The following RNPEPL1 variants were observed in gnomAD, a reference collection of about 807,000 sequenced individuals.
RNPEPL1 encodes the protein aminopeptidase RNPEPL1.
Under a neutral mutation model 69.0 loss-of-function variants are expected in RNPEPL1, and 46 were observed. That is an observed-to-expected ratio of 0.67 (90% CI 0.53 to 0.85). RNPEPL1 has a LOEUF of 0.85. RNPEPL1 is among the 40% of genes least tolerant of loss of function. The probability of loss-of-function intolerance (pLI) is 0.00; values close to 1 mark genes in which losing one functional copy is unlikely to be tolerated. For synonymous variants in RNPEPL1, 525 were observed against 454.1 expected (o/e 1.16, Z -1.98); for missense variants, 869 against 992.5 (o/e 0.88, Z 1.67).
At chr2:240,572,912 G>A (rs1366196258) in intron 2 of RNPEPL1, among the ~76,000 whole-genome samples, 198 bp from the exon 3 acceptor site, 2 of 152,362 alleles carry the variant, frequency 1.3e-5, no homozygotes, top group East Asian at 3.9e-4. Flanking sequence ...GTGCTGGGAC[G>A]AGGTTTGCAG....
intron 4 of RNPEPL1, 76 bp from the exon 5 acceptor site, chr2:240,574,037 G>A (rs1397314556): frequency 1.4e-6 from 2 of 1,445,028 alleles, no homozygotes; most frequent in Admixed American, 1.9e-5. Flanking sequence ...CCTGCTGGGT[G>A]GAAGGTGGGG....
Position 240,575,124 on chromosome 2 carries a change from C to G in RNPEPL1, c.1383C>G (p.Arg461=). ...CCCAGCTCTGCGGAGACCCACAGCG[C>G]TTTGATGACTTTCTCCGAGTGAGCA... The part of the protein sequence containing the change: ...YLSQLCGDPQ[R]FDDFLRAYVE... Residue 461 remains arginine, a synonymous_variant, in exon 7 of 11, where the codon CGC becomes CGG. Coordinates refer to ENST00000270357, the MANE Select transcript of RNPEPL1 (RefSeq NM_018226.6). 1 of 1,613,366 alleles carries G rather than the reference C, an allele frequency of 6.2e-7. No homozygotes were observed. The highest frequency in any genetic ancestry group is 1.1e-5 in the South Asian group (1 of 91,076).
Position 240,576,875 on chromosome 2 carries a change from A to G in RNPEPL1, c.1769A>G (p.Tyr590Cys), listed in dbSNP as rs1440690515. Residue 590 changes from tyrosine (Y) to cysteine (C), a missense_variant, in exon 10 of 11, where the codon TAC (tyrosine) becomes TGC (cysteine). Physicochemically the swap from Tyr to Cys is radical, Grantham distance 194. Transcript: ENST00000270357. ...QEVVMSLSKC[Y>C]SSLLDSMNAE... ...GTGGTGATGAGCCTGTCCAAGTGCT[A>G]CTCCTCCCTGCTGGACTCGATGAAC... 4 of 1,612,780 alleles carry G rather than the reference A, an allele frequency of 2.5e-6. No homozygotes were observed. Among genetic ancestry groups the G allele is most frequent in the Non-Finnish European group, 3.4e-6 (4 of 1,179,876 alleles).
rs912974044 is a variant in RNPEPL1, at chr2:240,569,026, C to A, written c.440C>A (p.Ser147Tyr). The A allele has an allele frequency of 2.0e-6, 3 of 1,510,884 alleles. No homozygotes were observed. The highest frequency in any genetic ancestry group is 2.6e-6 in the Non-Finnish European group (3 of 1,137,200). 93.6% of individuals were successfully genotyped at this position (1,510,884 alleles called of 1,614,324 possible). A position where few individuals can be genotyped will look rare whatever the true frequency, so the allele number is the denominator to read the frequency against. ...FRVDPFTDYG[S>Y]SLTVTLPPEL... ...GTGGACCCGTTCACCGACTACGGCT[C>A]CTCGCTCACCGTCACGCTGCCGCCC... The change falls in exon 1 of 11, where the codon TCC becomes TAC. Residue 147 changes from serine to tyrosine, a missense_variant. By Grantham distance (144) the Ser-to-Tyr change is moderately radical. Transcript: ENST00000270357.
intron 2 of RNPEPL1, among the ~76,000 whole-genome samples, chr2:240,572,863 G>T (rs1389769694): frequency 6.6e-6 from 1 of 152,256 alleles, no homozygotes; most frequent in African/African-American, 2.4e-5. Context: ...CCCCAGTGGG[G>T]TCTGTGGGTC....
chr2:240,573,757 CCT>C lies in RNPEPL1; in HGVS notation c.822-13_822-12del, dbSNP rs1559416445. The C allele has an allele frequency of 2.6e-6, 4 of 1,515,406 alleles. No individual in the cohort carries two copies. Among genetic ancestry groups the C allele is most frequent in the East Asian group, 4.9e-5 (2 of 40,444 alleles). The allele number at this position is 1,515,406 out of a possible 1,614,324, so 93.9% of individuals were successfully genotyped here. A position where few individuals can be genotyped will look rare whatever the true frequency, so the allele number is the denominator to read the frequency against. ...CTGGGGCTGCTCGGCCTCAGCTCAC[CCT>C]CTCTGCATGCACCAGGAGCCGCGTG... On this transcript the variant is annotated splice_polypyrimidine_tract_variant and intron_variant, in intron 3 of 10. Transcript: ENST00000270357.
intron 4 of RNPEPL1, 21 bp downstream of exon 4, chr2:240,573,912 G>A (rs1453727176): frequency 6.4e-7 from 1 of 1,572,610 alleles, no homozygotes; most frequent in Non-Finnish European, 8.6e-7. Flanking sequence ...GGGACCTGTG[G>A]ACCTGGCTGG....
At chr2:240,572,093 A>C (rs148548498) in intron 1 of RNPEPL1, among the ~76,000 whole-genome samples, 2 of 152,376 alleles carry the variant, frequency 1.3e-5, no homozygotes, top group East Asian at 3.9e-4. Flanking sequence ...AAGCTAAGAT[A>C]ATGCAATGAT....
Position 240,574,273 on chromosome 2 carries a change from G to T in RNPEPL1, c.1099G>T (p.Ala367Ser), listed in dbSNP as rs773622869. ...HSWFGNAVTN[A>S]TWEEMWLSEG... The stretch of plus-strand genomic sequence containing the variant: ...TTGGTTCGGCAACGCTGTCACCAAC[G>T]CCACGTGGGAAGAGATGTGGCTGAG... Residue 367 changes from alanine (A) to serine (S), a missense_variant, in exon 5 of 11, where the codon GCC becomes TCC. This residue lies in a region of RNPEPL1 where 610 missense variants were observed against 790.9 expected (regional missense o/e 0.77). Transcript: ENST00000270357. 3.7e-6 allele frequency: 6 copies of T among 1,611,546 alleles called. No individual in the cohort carries two copies. Among genetic ancestry groups the T allele is most frequent in the East Asian group, 2.2e-5 (1 of 44,856 alleles).
chr2:240,574,453 CCTG>C (rs2093031969), intron 5 of RNPEPL1, 59 bp from the exon 6 acceptor site: 5 of 1,547,476 alleles, frequency 3.2e-6, no homozygotes, highest in Admixed American at 1.9e-5. Flanking sequence ...GCCCACACCT[CCTG>C]CTTCCCCCGA....
chr2:240,568,733 G>A lies in RNPEPL1; in HGVS notation c.147G>A (p.Glu49=). The A allele has an allele frequency of 9.4e-7, 1 of 1,064,266 alleles. No individual in the cohort carries two copies. 65.9% of individuals were successfully genotyped at this position (1,064,266 alleles called of 1,614,324 possible). The change falls in exon 1 of 11, where the codon GAG becomes GAA. Residue 49 remains glutamate, a synonymous_variant. Transcript: ENST00000270357. The surrounding 1 kb of genome is among the most constrained non-coding windows in gnomAD (Gnocchi z 6.2). ...FRLRHLQLGL[E]LRPEARELAG... The stretch of plus-strand genomic sequence containing the variant: ...TCCGCCACCTGCAGCTGGGCCTGGA[G>A]CTGCGGCCCGAGGCGCGCGAGTTGG...
rs1460611586 is a variant in RNPEPL1 at position 240,574,237 on chromosome 2, G to A, written c.1063G>A (p.Val355Met). 1.2e-6 allele frequency: 2 copies of A among 1,613,156 alleles called. No homozygotes were observed. The highest frequency in any genetic ancestry group is 8.5e-7 in the Non-Finnish European group (1 of 1,179,954). ...EFLVIDVIHE[V>M]AHSWFGNAVT... ...CCTGGTCATCGATGTCATCCACGAG[G>A]TGGCCCACAGTTGGTTCGGCAACGC... The change falls in exon 5 of 11, where the codon GTG becomes ATG. Residue 355 changes from valine (V) to methionine (M), a missense_variant. Val to Met is a conservative substitution (Grantham distance 21, BLOSUM62 1). Around this residue, in one of 2 missense-constraint regions of RNPEPL1, gnomAD observed 610 missense variants for 790.9 expected, o/e 0.77. Coordinates refer to ENST00000270357, the MANE Select transcript of RNPEPL1 (RefSeq NM_018226.6).
At chr2:240,570,390 G>A (rs1378728006) in intron 1 of RNPEPL1, among the ~76,000 whole-genome samples, 1 of 152,230 alleles carries the variant, frequency 6.6e-6, no homozygotes, top group East Asian at 1.9e-4. Context: ...GCAGGCTGTG[G>A]ACAGGGGGCC....
At chr2:240,576,827 G>A (rs773823804) in intron 9 of RNPEPL1, 21 bp from the exon 10 acceptor site, 1 of 1,612,892 alleles carries the variant, frequency 6.2e-7, no homozygotes, top group South Asian at 1.1e-5. Flanking sequence ...GCCCAGCCCT[G>A]ACCTGCCCCC....
At chr2:240,573,723 T>A (rs1389472877) in intron 3 of RNPEPL1, 52 bp from the exon 4 acceptor site, 1 of 1,421,108 alleles carries the variant, frequency 7.0e-7, no homozygotes, top group Non-Finnish European at 9.4e-7. Flanking sequence ...CCTGGTGGGG[T>A]GAGCGGGGCT....
At chr2:240,572,710 T>G in intron 2 of RNPEPL1, 147 bp downstream of exon 2, 3 of 1,049,524 alleles carry the variant, frequency 2.9e-6, no homozygotes, top group Non-Finnish European at 2.7e-6. Flanking sequence ...CTCCCTACTC[T>G]ATGGGAGGAG....
intron 3 of RNPEPL1, 103 bp from the exon 4 acceptor site, chr2:240,573,672 T>G (rs1575436973): frequency 4.1e-6 from 4 of 977,416 alleles, no homozygotes; most frequent in Non-Finnish European, 4.4e-6. Flanking sequence ...CCAGGCTGGG[T>G]GAGGTGTGGG....
At chr2:240,573,400 G>A (rs2093028123) in intron 3 of RNPEPL1, 139 bp downstream of exon 3, 1 of 607,108 alleles carries the variant, frequency 1.6e-6, no homozygotes, top group Non-Finnish European at 2.4e-6. Context: ...CCCTGCCCCT[G>A]CCTTGGTGCC....
At position 240,569,127 on chromosome 2, in the gene RNPEPL1, C is replaced by T. The variant is rs1046554121; in HGVS notation, c.528+13C>T. 70 of 1,469,776 alleles carry T rather than the reference C, an allele frequency of 4.8e-5. No individual in the cohort carries two copies. The highest frequency in any genetic ancestry group is 5.9e-5 in the Non-Finnish European group (66 of 1,117,682). The allele number at this position is 1,469,776 out of a possible 1,614,324, so 91.0% of individuals were successfully genotyped here. A position where few individuals can be genotyped will look rare whatever the true frequency, so the allele number is the denominator to read the frequency against. The stretch of plus-strand genomic sequence containing the variant: ...CGACGCCCCCGCCGTGAGTCCGGGG[C>T]GGGCGCCGGGGCTGCGGGCCGGTCC... On this transcript the variant is annotated intron_variant, in intron 1 of 10. Transcript: ENST00000270357.
Sources: allele counts gnomAD v4.1 joint callset (sites outside exome capture counted in the v4.1 genomes callset), GRCh38; gene constraint gnomAD v4.1.1; regional missense constraint gnomAD v4.1.1; non-coding constraint Gnocchi (gnomAD v3.1); transcripts MANE v1.5; gene names NCBI Gene and HGNC (gene_info 2026-07-23, HGNC 2026-07-21).